The following IMMP2L variants were observed in gnomAD, a reference collection of about 807,000 sequenced individuals.
IMMP2L encodes the protein mitochondrial inner membrane protease subunit 2.
A neutral mutation model predicts 19.3 loss-of-function variants in IMMP2L; 18 were observed. That is an observed-to-expected ratio of 0.93 (90% confidence interval 0.64 to 1.38). The LOEUF (loss-of-function observed/expected upper bound fraction) is 1.38, where lower values mean the gene tolerates loss of function less well. Ranked by LOEUF, IMMP2L falls within the 40% of genes most tolerant of loss-of-function variation. The pLI is 0.00. For synonymous variants in IMMP2L, 76 were observed against 73.0 expected, an observed-to-expected ratio of 1.04 and a Z score of -0.21; for missense variants, 233 against 218.2, an observed-to-expected ratio of 1.07 and a Z score of -0.43.
chr7:111,327,512 T>G (rs1459505186), intron 3 of IMMP2L, among the ~76,000 whole-genome samples: 1 of 151,716 alleles, frequency 6.6e-6, no homozygotes, highest in South Asian at 2.1e-4. Flanking sequence ...CATTCATCCA[T>G]GTACTTCTTA....
rs1409934460 is a variant in IMMP2L at position 111,360,118 on chromosome 7, ATAATGTGATTACAATTTCG to A, written c.239+127101_239+127119del. The stretch of plus-strand genomic sequence containing the variant: ...TTTGGTTTCTGATTACAATTTCGCC[ATAATGTGATTACAATTTCG>A]CCATAATGTCATTACAAATCCAAAA... On this transcript the variant is annotated intron_variant, in intron 3 of 5. Transcript: ENST00000405709. 1.8e-4 allele frequency among the ~76,000 whole-genome samples: 18 copies of A among 101,328 alleles called. No homozygotes were observed. The South Asian group carries it at 2.5e-3, about 14-fold the overall frequency. 66.5% of individuals were successfully genotyped at this position (101,328 alleles called of 152,430 possible).
intron 3 of IMMP2L, among the ~76,000 whole-genome samples, chr7:111,018,131 C>T (rs575391984): frequency 6.6e-6 from 1 of 152,102 alleles, no homozygotes; most frequent in African/African-American, 2.4e-5. Context: ...TTATTTGAAC[C>T]CAGGTTATTT....
intron 3 of IMMP2L, among the ~76,000 whole-genome samples, chr7:111,127,125 C>T (rs1801390875): frequency 6.6e-6 from 1 of 152,156 alleles, no homozygotes. Context: ...GTTTCTCAAA[C>T]ACAAATTTTA....
intron 3 of IMMP2L, among the ~76,000 whole-genome samples, chr7:111,287,473 G>A (rs1033537339): frequency 2.6e-5 from 4 of 151,776 alleles, no homozygotes; most frequent in Non-Finnish European, 5.9e-5. Context: ...TGGATGGAGG[G>A]CAAAGGATGG....
intron 5 of IMMP2L, among the ~76,000 whole-genome samples, chr7:110,707,210 G>A (rs1794764248): frequency 1.6e-5 from 1 of 61,766 alleles, no homozygotes. Context: ...CTGTGTCCAT[G>A]TGATCTCATT....
intron 5 of IMMP2L, among the ~76,000 whole-genome samples, chr7:110,669,132 G>A (rs776432143): frequency 6.7e-6 from 1 of 150,308 alleles, no homozygotes; most frequent in Non-Finnish European, 1.5e-5. Context: ...GAGAAAGAGA[G>A]ATTTATCTTT....
intron 3 of IMMP2L, among the ~76,000 whole-genome samples, chr7:111,237,070 T>G (rs1302336061): frequency 6.6e-6 from 1 of 152,016 alleles, no homozygotes; most frequent in East Asian, 1.9e-4. Flanking sequence ...ATAATAATTT[T>G]CAAATGGACA....
intron 3 of IMMP2L, among the ~76,000 whole-genome samples, chr7:111,020,319 G>A (rs1254027000): frequency 1.3e-5 from 2 of 152,144 alleles, no homozygotes; most frequent in African/African-American, 4.8e-5. Context: ...AGGAGGCGAA[G>A]GTTGCAGTGA....
intron 3 of IMMP2L, among the ~76,000 whole-genome samples, chr7:111,242,155 G>A (rs1478038300): frequency 6.6e-6 from 1 of 151,936 alleles, no homozygotes; most frequent in South Asian, 2.1e-4. Flanking sequence ...AACTTTTCCT[G>A]AATATGCTTT....
chr7:111,262,094 C>T (rs1817369094), intron 3 of IMMP2L, among the ~76,000 whole-genome samples: 1 of 152,064 alleles, frequency 6.6e-6, no homozygotes, highest in Non-Finnish European at 1.5e-5. Flanking sequence ...AATAAATACA[C>T]AGTAGAACCT....
rs80217761 is a variant in IMMP2L, at chr7:111,282,773, T to C, written c.239+204465A>G. Among the ~76,000 whole-genome samples, 13 of 152,044 alleles carry C rather than the reference T, an allele frequency of 8.6e-5. No homozygotes were observed. The East Asian group carries it at 2.3e-3, about 27-fold the overall frequency. On this transcript the variant is annotated intron_variant, in intron 3 of 5. Coordinates refer to ENST00000405709, the MANE Select transcript of IMMP2L (RefSeq NM_032549.4). Reference sequence around the variant, plus strand: ...TAATTTTTGTGTGTTTTATAGAGACTGGGTTTCACCATGTTGGCCAGGCTG... The same window carrying C: ...TAATTTTTGTGTGTTTTATAGAGACCGGGTTTCACCATGTTGGCCAGGCTG...
At chr7:110,944,311 T>A (rs1817015928) in intron 4 of IMMP2L, among the ~76,000 whole-genome samples, 1 of 152,014 alleles carries the variant, frequency 6.6e-6, no homozygotes, top group African/African-American at 2.4e-5. Context: ...CAATCATTCC[T>A]GTCAGGGTAA....
At chr7:110,797,851 T>A (rs910839418) in intron 5 of IMMP2L, among the ~76,000 whole-genome samples, 1 of 151,964 alleles carries the variant, frequency 6.6e-6, no homozygotes. Context: ...ATAAAATAAG[T>A]GTCATGTCAG....
intron 3 of IMMP2L, among the ~76,000 whole-genome samples, chr7:111,115,973 G>A (rs1451510581): frequency 1.3e-5 from 2 of 152,042 alleles, no homozygotes; most frequent in Admixed American, 6.6e-5. Context: ...CACCACATCC[G>A]GCCGGAATTA....
rs1440007461 is a variant in IMMP2L at position 111,368,119 on chromosome 7, GA to G, written c.239+119118del. ...TATAAATATTGAATATGCTTATATG[GA>G]AAATGCTGGTTATATTGGATATAGG... On this transcript the variant is annotated intron_variant, in intron 3 of 5. Transcript: ENST00000405709. Among the ~76,000 whole-genome samples, 13 of 151,544 alleles carry G rather than the reference GA, an allele frequency of 8.6e-5. 1 individual carries two copies. Among genetic ancestry groups the G allele is most frequent in the Middle Eastern group, 6.9e-3 (2 of 288 alleles).
At chr7:111,143,558 A>G (rs1459792607) in intron 3 of IMMP2L, among the ~76,000 whole-genome samples, 3 of 152,106 alleles carry the variant, frequency 2.0e-5, no homozygotes, top group Non-Finnish European at 4.4e-5. Flanking sequence ...ACAAATATTT[A>G]TTTCTTAGCA....
At chr7:111,368,877 A>G (rs1358553955) in intron 3 of IMMP2L, among the ~76,000 whole-genome samples, 1 of 152,010 alleles carries the variant, frequency 6.6e-6, no homozygotes, top group African/African-American at 2.4e-5. Flanking sequence ...CAGGCTTTCC[A>G]TCAGCTGGCT....
At chr7:110,826,277 G>T (rs923187289) in intron 5 of IMMP2L, among the ~76,000 whole-genome samples, 4 of 152,154 alleles carry the variant, frequency 2.6e-5, no homozygotes, top group African/African-American at 9.7e-5. Flanking sequence ...AAGTCAGTGT[G>T]GCGATTCCTC....
At chr7:111,452,662 A>G (rs940986073) in intron 3 of IMMP2L, among the ~76,000 whole-genome samples, 2 of 152,174 alleles carry the variant, frequency 1.3e-5, no homozygotes, top group African/African-American at 4.8e-5. Context: ...CTGCCACTAA[A>G]TCTCTGTGGG....
Sources: allele counts gnomAD v4.1 joint callset (sites outside exome capture counted in the v4.1 genomes callset), GRCh38; gene constraint gnomAD v4.1.1; transcripts MANE v1.5; gene names NCBI Gene and HGNC (gene_info 2026-07-23, HGNC 2026-07-21).